KIF17: variants seen among roughly 807,000 people sequenced by gnomAD.
The protein encoded by KIF17 is kinesin-like protein KIF17.
KIF17 carries 80 observed loss-of-function variants against 96.8 expected under a neutral mutation model. The ratio of observed to expected loss-of-function variants is 0.83; its 90% CI spans 0.69 to 1.00. KIF17 has a LOEUF of 1.00. Ranked by LOEUF, KIF17 falls within the 50% of genes least tolerant of loss-of-function variation. KIF17 has a pLI of 0.00. For synonymous variants in KIF17, 567 were observed against 587.5 expected, an observed-to-expected ratio of 0.97 and a Z score of 0.51; for missense variants, 1,280 against 1,372.9, an observed-to-expected ratio of 0.93 and a Z score of 1.07.
rs772732709 is a variant in KIF17 at position 20,717,630 on chromosome 1, G to A, written c.77C>T (p.Pro26Leu). The A allele has an allele frequency of 6.2e-7, 1 of 1,608,690 alleles. No homozygotes were observed. Among genetic ancestry groups the A allele is most frequent in the Non-Finnish European group, 8.5e-7 (1 of 1,179,118 alleles). ...NQRERELRCQ[P>L]VVTVDCARAQ... is the part of the protein sequence containing the mutation. ...GCGCGCGCAGTCCACAGTCACCACG[G>A]GCTGGCAGCGCAGCTCTCGCTCCCG... Residue 26 changes from proline to leucine, a missense_variant, in exon 1 of 15, where the codon CCC becomes CTC. By Grantham distance (98) the Pro-to-Leu change is moderately conservative. Coordinates refer to ENST00000400463, the MANE Select transcript of KIF17 (RefSeq NM_001122819.3).
At chr1:20,670,542 G>A in intron 12 of KIF17, 54 bp from the exon 13 acceptor site, 1 of 1,549,242 alleles carries the variant, frequency 6.5e-7, no homozygotes, top group Non-Finnish European at 8.9e-7. Flanking sequence ...AAGGCCTAGA[G>A]GAGGGCACAG....
intron 6 of KIF17, chr1:20,692,729 A>G (rs1226591577): frequency 6.6e-6 from 1 of 151,064 alleles, no homozygotes. Flanking sequence ...CTTCTCCCCC[A>G]GGAAATGTTC....
chr1:20,669,949 C>G (rs1281339562), intron 13 of KIF17, among the ~76,000 whole-genome samples: 2 of 121,568 alleles, frequency 1.6e-5, no homozygotes, highest in Non-Finnish European at 3.3e-5. Flanking sequence ...TTCTGTTGCA[C>G]TATAAAATAT....
At chr1:20,688,060 T>G (rs1279249836) in intron 7 of KIF17, 116 bp from the exon 8 acceptor site, 4 of 911,054 alleles carry the variant, frequency 4.4e-6, no homozygotes, top group South Asian at 2.9e-5. Flanking sequence ...TTTTTGTTTT[T>G]TTTTGAGACA....
At chr1:20,695,980 G>C (rs2054131662) in intron 6 of KIF17, among the ~76,000 whole-genome samples, 1 of 151,954 alleles carries the variant, frequency 6.6e-6, no homozygotes, top group Admixed American at 6.6e-5. Flanking sequence ...AGCCCGCCAA[G>C]GAGATGATGG....
At position 20,672,597 on chromosome 1, in the gene KIF17, T is replaced by C. The variant is rs375370520; in HGVS notation, c.2464-401A>G. Among the ~76,000 whole-genome samples, 5 of 152,318 alleles carry C rather than the reference T, an allele frequency of 3.3e-5. No homozygotes were observed. In the South Asian group the frequency reaches 6.2e-4, roughly 19 times the overall value. ...CATCCAACACCACCGTTCTAAAGGA[T>C]ATCAGAGAATTGCACAAGTGACATC... On this transcript the variant is annotated intron_variant, in intron 11 of 14. Transcript: ENST00000400463. This position sits in a 1 kb window ranked among gnomAD's most constrained non-coding sequence, Gnocchi z 4.3.
At chr1:20,664,863 C>G (rs1032262557) in intron 14 of KIF17, 101 bp from the exon 15 acceptor site, 5 of 1,089,634 alleles carry the variant, frequency 4.6e-6, no homozygotes, top group Non-Finnish European at 5.5e-6. Flanking sequence ...ACCCCACTCC[C>G]GCCCCCCTGC....
intron 3 of KIF17, among the ~76,000 whole-genome samples, chr1:20,712,821 TAG>T (rs1471416233): frequency 2.2e-5 from 2 of 91,234 alleles, no homozygotes; most frequent in Non-Finnish European, 4.0e-5. Context: ...ATATATAATA[TAG>T]ATATTATCTA....
intron 6 of KIF17, among the ~76,000 whole-genome samples, chr1:20,692,029 A>G (rs1346708259): frequency 6.6e-6 from 1 of 152,176 alleles, no homozygotes; most frequent in Non-Finnish European, 1.5e-5. Flanking sequence ...TGACACAGCC[A>G]TAGTGCCCAC....
At chr1:20,710,521 G>A (rs555488268) in intron 3 of KIF17, among the ~76,000 whole-genome samples, 5 of 152,268 alleles carry the variant, frequency 3.3e-5, no homozygotes, top group South Asian at 2.1e-4. Flanking sequence ...ATTTTGCTGC[G>A]GACACGGAGC....
In KIF17 at chr1:20,704,817, C is replaced by T; in HGVS notation, c.753G>A (p.Gly251=). ...CCTCCTTGAGCCGCTCGCCCGTGGCCCCGGTCTTGGACTGCCGCTCGCTGC... is the reference window on the plus strand; with the variant it reads ...CCTCCTTGAGCCGCTCGCCCGTGGCTCCGGTCTTGGACTGCCGCTCGCTGC... ...LAGSERQSKT[G]ATGERLKEAT... Residue 251 remains glycine (G), a synonymous_variant, in exon 5 of 15, where the codon GGG becomes GGA. Coordinates refer to ENST00000400463, the MANE Select transcript of KIF17 (RefSeq NM_001122819.3). The surrounding 1 kb of genome is among the most constrained non-coding windows in gnomAD (Gnocchi z 6.8). The T allele has an allele frequency of 6.2e-7, 1 of 1,607,528 alleles. No individual in the cohort carries two copies. Among genetic ancestry groups the T allele is most frequent in the Non-Finnish European group, 8.5e-7 (1 of 1,179,860 alleles).
rs1042096082 is a variant in KIF17 at position 20,699,585 on chromosome 1, G to C, written c.1124-1097C>G. On this transcript the variant is annotated intron_variant, in intron 5 of 14. Coordinates refer to ENST00000400463, the MANE Select transcript of KIF17 (RefSeq NM_001122819.3). The surrounding 1 kb of genome is among the most constrained non-coding windows in gnomAD (Gnocchi z 4.3). Reference sequence around the variant, plus strand: ...CGTCTCAAAAATAAATAAATAAATAGCTTATTTATTGAAGGCCTTTTAGTC... The same window carrying C: ...CGTCTCAAAAATAAATAAATAAATACCTTATTTATTGAAGGCCTTTTAGTC... 6.6e-6 allele frequency among the ~76,000 whole-genome samples: 1 copy of C among 152,106 alleles called. No individual in the cohort carries two copies. The highest frequency in any genetic ancestry group is 2.1e-4 in the South Asian group (1 of 4,824).
At chr1:20,712,574 A>AATATTATCTATATTATATATATAG (rs2154537721) in intron 3 of KIF17, among the ~76,000 whole-genome samples, 1 of 58,634 alleles carries the variant, frequency 1.7e-5, no homozygotes, top group East Asian at 6.7e-4. Flanking sequence ...ATATATAGAT[A>AATATTATCTATATTATATATATAG]ATATTATCTA....
Position 20,690,253 on chromosome 1 carries a change from G to A in KIF17, c.1316C>T (p.Thr439Ile). Residue 439 changes from threonine to isoleucine, a missense_variant, in exon 7 of 15, where the codon ACT becomes ATT. Coordinates refer to ENST00000400463, the MANE Select transcript of KIF17 (RefSeq NM_001122819.3). Reference sequence around the variant, plus strand: ...GACGTCATATGAGTTGCGCATGGCAGTGATGTCTTCCTCCAGCCTGGCCCG... The same window carrying A: ...GACGTCATATGAGTTGCGCATGGCAATGATGTCTTCCTCCAGCCTGGCCCG... ...ESRARLEEDITAMRNSYDVRL... is the reference protein window; with the variant it reads ...ESRARLEEDIIAMRNSYDVRL... 2.6e-6 allele frequency: 4 copies of A among 1,530,294 alleles called. No homozygotes were observed. Among genetic ancestry groups the A allele is most frequent in the Non-Finnish European group, 2.7e-6 (3 of 1,127,080 alleles). The allele number at this position is 1,530,294 out of a possible 1,614,324, so 94.8% of individuals were successfully genotyped here. A position where few individuals can be genotyped will look rare whatever the true frequency, so the allele number is the denominator to read the frequency against.
chr1:20,696,819 T>C (rs1391720793), intron 6 of KIF17, among the ~76,000 whole-genome samples: 1 of 151,986 alleles, frequency 6.6e-6, no homozygotes, highest in Non-Finnish European at 1.5e-5. Context: ...ACTTCTCTGG[T>C]TTCTGCGGGC....
intron 3 of KIF17, 70 bp downstream of exon 3, chr1:20,713,382 TTC>T: frequency 9.0e-7 from 1 of 1,108,156 alleles, no homozygotes; most frequent in Non-Finnish European, 1.4e-6. Flanking sequence ...TTTCCCATAT[TTC>T]TGAGGGAGCA....
At chr1:20,686,944 A>G (rs78118853) in intron 8 of KIF17, among the ~76,000 whole-genome samples, 8,553 of 152,258 alleles carry the variant, frequency 0.056, 499 homozygotes, top group East Asian at 0.34. Context: ...GAAGAGCAGT[A>G]TCCCAGAAGC....
At chr1:20,688,383 T>C (rs762706442) in intron 7 of KIF17, among the ~76,000 whole-genome samples, 5 of 151,844 alleles carry the variant, frequency 3.3e-5, no homozygotes, top group Admixed American at 1.3e-4. Flanking sequence ...AGCTTAAGAG[T>C]CAGAGCCTCC....
At position 20,716,508 on chromosome 1, in the gene KIF17, G is replaced by A. The variant is rs118034716; in HGVS notation, c.232-869C>T. ...AGTACAAAGAAGCGAAAACAGGATG[G>A]CACAGGAAGAACGAAGCACAGCTTT... On this transcript the variant is annotated intron_variant, in intron 1 of 14. Coordinates refer to ENST00000400463, the MANE Select transcript of KIF17 (RefSeq NM_001122819.3). Among the ~76,000 whole-genome samples the A allele has an allele frequency of 2.1e-3, 323 of 152,368 alleles. 7 individuals are homozygous for A. The East Asian group carries it at 0.049, about 23-fold the overall frequency.
Sources: gnomAD v4.1 joint callset for allele counts (sites outside exome capture counted in the v4.1 genomes callset) on GRCh38, gnomAD v4.1.1 for gene constraint, Gnocchi (gnomAD v3.1) non-coding constraint, MANE v1.5 for transcripts, NCBI Gene and HGNC (gene_info 2026-07-23, HGNC 2026-07-21) for gene names.